MAD1L1: variants seen among roughly 807,000 people sequenced by gnomAD.
MAD1L1 encodes mitotic arrest deficient 1 like 1, also known as mitotic spindle assembly checkpoint protein MAD1.
MAD1L1 carries 95 observed loss-of-function variants against 96.9 expected under a neutral mutation model. The observed-to-expected ratio is 0.98, with a 90% CI of 0.83 to 1.16. MAD1L1 has a LOEUF of 1.16. MAD1L1 is among the 50% of genes most tolerant of loss of function. The probability of loss-of-function intolerance (pLI) is 0.00; values close to 1 mark genes in which losing one functional copy is unlikely to be tolerated. For missense variants in MAD1L1, 1,007 were observed against 954.4 expected (o/e 1.06, Z -0.73); for synonymous variants, 473 against 396.6 (o/e 1.19, Z -2.29).
At chr7:2,039,498 T>C (rs1783585727) in intron 12 of MAD1L1, among the ~76,000 whole-genome samples, 1 of 151,702 alleles carries the variant, frequency 6.6e-6, no homozygotes, top group African/African-American at 2.4e-5. Context: ...AGAGATGGAG[T>C]TTCTCTACAC....
At chr7:1,844,946 G>A (rs1024699111) in intron 18 of MAD1L1, among the ~76,000 whole-genome samples, 4 of 152,246 alleles carry the variant, frequency 2.6e-5, no homozygotes, top group Non-Finnish European at 5.9e-5. Flanking sequence ...GCACAGCCAG[G>A]GTCACTGTCC....
chr7:2,082,303 G>A (rs1053569175), intron 11 of MAD1L1, among the ~76,000 whole-genome samples: 3 of 152,034 alleles, frequency 2.0e-5, no homozygotes, highest in African/African-American at 7.2e-5. Flanking sequence ...GGGGACCATG[G>A]GGCCGTGTGT....
At chr7:1,890,289 C>A (rs552754198) in intron 18 of MAD1L1, among the ~76,000 whole-genome samples, 1 of 152,302 alleles carries the variant, frequency 6.6e-6, no homozygotes, top group South Asian at 2.1e-4. Context: ...GAGGTGTCTG[C>A]GTCATGGGGT....
intron 18 of MAD1L1, among the ~76,000 whole-genome samples, chr7:1,820,567 G>A (rs1235340918): frequency 6.6e-6 from 1 of 151,994 alleles, no homozygotes; most frequent in Non-Finnish European, 1.5e-5. Flanking sequence ...TGGAGTTTGA[G>A]ACCAGCCTGG....
chr7:1,886,454 A>G (rs6967442), intron 18 of MAD1L1, among the ~76,000 whole-genome samples: 79,656 of 152,192 alleles, frequency 0.52, 22,105 homozygotes, highest in African/African-American at 0.69. Flanking sequence ...CGCCCCAGCT[A>G]GACAGCAGGT....
intron 18 of MAD1L1, chr7:1,854,345 C>T (rs746626458): frequency 3.4e-5 from 16 of 469,744 alleles, no homozygotes; most frequent in South Asian, 4.6e-5. Flanking sequence ...CCCCAACCCC[C>T]GCTGTGGGGG....
At chr7:1,976,559 A>G (rs977122710) in intron 15 of MAD1L1, among the ~76,000 whole-genome samples, 1 of 152,216 alleles carries the variant, frequency 6.6e-6, no homozygotes, top group Non-Finnish European at 1.5e-5. Flanking sequence ...CAGCAGCAAG[A>G]TTTACTGCGA....
intron 11 of MAD1L1, among the ~76,000 whole-genome samples, chr7:2,112,985 G>T (rs1412441098): frequency 1.3e-5 from 2 of 152,206 alleles, no homozygotes; most frequent in African/African-American, 2.4e-5. Context: ...CAGAGCACTG[G>T]GTCACGGCCG....
At chr7:2,008,226 G>A (rs1266779072) in intron 13 of MAD1L1, among the ~76,000 whole-genome samples, 1 of 152,214 alleles carries the variant, frequency 6.6e-6, no homozygotes, top group African/African-American at 2.4e-5. Flanking sequence ...TGTGTGCACT[G>A]GAGAGCAGCT....
intron 14 of MAD1L1, among the ~76,000 whole-genome samples, chr7:1,983,154 G>GCA (rs976027470): frequency 6.3e-3 from 197 of 31,466 alleles, no homozygotes; most frequent in African/African-American, 0.024. Context: ...GCGCGCGCGC[G>GCA]CACACACACA....
chr7:2,219,436 C>T lies in MAD1L1; in HGVS notation c.492G>A (p.Gly164=), dbSNP rs746227184. Residue 164 remains glycine, a synonymous_variant, in exon 6 of 19, where the codon GGG becomes GGA. Transcript: ENST00000265854. ...CGCTCCACTGCAGTTCCGAGATCCT[C>T]CCCTTCAGTGCGTTGATGGTCTAAA... The part of the protein sequence containing the change: ...QAGETINALK[G]RISELQWSVM... 6.2e-7 allele frequency: 1 copy of T among 1,613,764 alleles called. No homozygotes were observed. Among genetic ancestry groups the T allele is most frequent in the South Asian group, 1.1e-5 (1 of 90,960 alleles).
chr7:2,203,482 A>G (rs1013348098), intron 10 of MAD1L1, among the ~76,000 whole-genome samples: 3 of 152,230 alleles, frequency 2.0e-5, no homozygotes, highest in Non-Finnish European at 2.9e-5. Context: ...TCTCAAACGC[A>G]CATCTCTTTT....
intron 11 of MAD1L1, among the ~76,000 whole-genome samples, chr7:2,094,864 G>A (rs1177163515): frequency 6.6e-6 from 1 of 152,170 alleles, no homozygotes; most frequent in Non-Finnish European, 1.5e-5. Flanking sequence ...ACAGGAAGTG[G>A]GGGGGCAGGA....
intron 10 of MAD1L1, among the ~76,000 whole-genome samples, chr7:2,184,760 G>C (rs1791378739): frequency 6.6e-6 from 1 of 152,206 alleles, no homozygotes; most frequent in East Asian, 1.9e-4. Context: ...CCAGCACTTT[G>C]GGAGGCTGAG....
At chr7:2,201,447 C>G (rs928829330) in intron 10 of MAD1L1, among the ~76,000 whole-genome samples, 1 of 152,180 alleles carries the variant, frequency 6.6e-6, no homozygotes, top group African/African-American at 2.4e-5. Context: ...CAGCACGCAA[C>G]AGGACCCCAG....
chr7:2,082,127 G>A (rs773114246), intron 11 of MAD1L1, among the ~76,000 whole-genome samples: 8 of 152,148 alleles, frequency 5.3e-5, no homozygotes, highest in South Asian at 2.1e-4. Context: ...ACAAGCTCCC[G>A]GGAACACCTG....
At chr7:2,141,766 G>A (rs895323578) in intron 11 of MAD1L1, among the ~76,000 whole-genome samples, 4 of 152,216 alleles carry the variant, frequency 2.6e-5, no homozygotes, top group Admixed American at 6.5e-5. Flanking sequence ...ACCATCTCAC[G>A]TCCAAGTCTG....
rs898818228 is a variant in MAD1L1, at chr7:2,009,264, C to T, written c.1359+5238G>A. Among the ~76,000 whole-genome samples, 4 of 152,194 alleles carry T rather than the reference C, an allele frequency of 2.6e-5. No homozygotes were observed. In the South Asian group the frequency reaches 8.3e-4, roughly 32 times the overall value. On this transcript the variant is annotated intron_variant, in intron 13 of 18. Transcript: ENST00000265854. ...GCCTGTGATCCAACACTCCTGCCAG[C>T]CAGGACATGGCAGAAAATGGCTAGG... is the stretch of plus-strand genomic sequence containing the variant.
chr7:2,078,983 A>T (rs573032351), intron 11 of MAD1L1, among the ~76,000 whole-genome samples: 3 of 152,202 alleles, frequency 2.0e-5, no homozygotes, highest in African/African-American at 7.2e-5. Flanking sequence ...GCCAAGCAAC[A>T]GCACTGCCAC....
Sources: gnomAD v4.1 joint callset for allele counts (sites outside exome capture counted in the v4.1 genomes callset) on GRCh38, gnomAD v4.1.1 for gene constraint, MANE v1.5 for transcripts, NCBI Gene and HGNC (gene_info 2026-07-23, HGNC 2026-07-21) for gene names.